The following ARHGEF7 variants were observed in gnomAD, a reference collection of about 807,000 sequenced individuals.
The protein encoded by ARHGEF7 is PAK-interacting exchange factor beta.
In ARHGEF7, 33 loss-of-function variants were observed where a neutral mutation model predicts 109.8. The ratio of observed to expected loss-of-function variants is 0.30; its 90% CI spans 0.23 to 0.40. The LOEUF is 0.40. Ranked by LOEUF, ARHGEF7 falls within the 10% of genes least tolerant of loss-of-function variation. The pLI, the probability that ARHGEF7 is intolerant of heterozygous loss-of-function variation, is 1.00. For missense variants in ARHGEF7, 938 were observed against 1,098.5 expected (o/e 0.85, Z 2.07); for synonymous variants, 458 against 424.6 (o/e 1.08, Z -0.97).
chr13:111,123,818 C>T (rs2067355417), intron 1 of ARHGEF7, among the ~76,000 whole-genome samples: 1 of 151,210 alleles, frequency 6.6e-6, no homozygotes. Context: ...GGAAACGGAG[C>T]TCCAGAGCGG....
chr13:111,161,452 C>T (rs2076734338), intron 2 of ARHGEF7, among the ~76,000 whole-genome samples: 1 of 152,202 alleles, frequency 6.6e-6, no homozygotes, highest in South Asian at 2.1e-4. Context: ...ATGGGTGTCA[C>T]ACGTGCTTGC....
At position 111,299,545 on chromosome 13, in the gene ARHGEF7, T is replaced by C. The variant is rs548107319; in HGVS notation, c.2312-1203T>C. On this transcript the variant is annotated intron_variant, in intron 19 of 21. Transcript: ENST00000646102. ...TTTTAGTAGAGACGGGGTTTCACCA[T>C]GTTAACCAGGTTGGTCTCGATCTCC... 2.0e-5 allele frequency among the ~76,000 whole-genome samples: 3 copies of C among 152,146 alleles called. No individual in the cohort carries two copies. The South Asian group carries it at 6.2e-4, about 32-fold the overall frequency.
chr13:111,295,110 G>C lies in ARHGEF7; in HGVS notation c.2311+2816G>C. 2.0e-6 allele frequency: 2 copies of C among 982,394 alleles called. 1 individual carries two copies. Among genetic ancestry groups the C allele is most frequent in the South Asian group, 9.4e-5 (2 of 21,198 alleles). The allele number at this position is 982,394 out of a possible 1,614,324, so 60.9% of individuals were successfully genotyped here. A position where few individuals can be genotyped will look rare whatever the true frequency, so the allele number is the denominator to read the frequency against. On this transcript the variant is annotated intron_variant, in intron 19 of 21. Coordinates refer to ENST00000646102, the MANE Select transcript of ARHGEF7 (RefSeq NM_001354046.2). Reference sequence around the variant, plus strand: ...TTGTACAGTATGCATATTATTGTTTGTGGTTGCATATGGCAATGAAGTGTT... The same window carrying C: ...TTGTACAGTATGCATATTATTGTTTCTGGTTGCATATGGCAATGAAGTGTT...
chr13:111,220,917 A>G (rs1270235848), intron 5 of ARHGEF7, among the ~76,000 whole-genome samples: 1 of 150,366 alleles, frequency 6.7e-6, no homozygotes, highest in Non-Finnish European at 1.5e-5. Context: ...AGGGTGCTTT[A>G]GAGGGACAGA....
chr13:111,228,168 A>G lies in ARHGEF7; in HGVS notation c.671-5037A>G, dbSNP rs1369364727. 1.3e-5 allele frequency among the ~76,000 whole-genome samples: 2 copies of G among 152,342 alleles called. No individual in the cohort carries two copies. The highest frequency in any genetic ancestry group is 2.9e-5 in the Non-Finnish European group (2 of 68,034). ...AAAAAAGAGGAGGGGGCGCTTTTATAGAATGAAAGAGACTTTAGTGGCACA... is the reference window on the plus strand; with the variant it reads ...AAAAAAGAGGAGGGGGCGCTTTTATGGAATGAAAGAGACTTTAGTGGCACA... On this transcript the variant is annotated intron_variant, in intron 5 of 21. Transcript: ENST00000646102. This position sits in a 1 kb window ranked among gnomAD's most constrained non-coding sequence, Gnocchi z 4.6.
chr13:111,199,579 C>G (rs1229508523), intron 2 of ARHGEF7, among the ~76,000 whole-genome samples: 1 of 152,176 alleles, frequency 6.6e-6, no homozygotes, highest in African/African-American at 2.4e-5. Context: ...TCCTCATGTC[C>G]AAATGAGTCC....
intron 19 of ARHGEF7, chr13:111,294,163 G>A: frequency 1.0e-6 from 1 of 985,352 alleles, no homozygotes; most frequent in Non-Finnish European, 1.2e-6. Flanking sequence ...ATAGTAAATG[G>A]GATTTTTGGA....
chr13:111,218,973 G>A (rs543973278), intron 5 of ARHGEF7, among the ~76,000 whole-genome samples: 2 of 152,200 alleles, frequency 1.3e-5, no homozygotes, highest in African/African-American at 2.4e-5. Flanking sequence ...CTCTGGTGTT[G>A]GAATTTTTAG....
At chr13:111,265,811 T>C (rs372633519) in intron 8 of ARHGEF7, 1 of 444,424 alleles carries the variant, frequency 2.3e-6, no homozygotes, top group East Asian at 7.0e-5. Context: ...CCTTCCCCGC[T>C]GTGAGGATGC....
chr13:111,296,996 C>G (rs1035788466), intron 19 of ARHGEF7, among the ~76,000 whole-genome samples: 3 of 152,198 alleles, frequency 2.0e-5, no homozygotes. Flanking sequence ...GATCATTCTG[C>G]TGTTAAATTG....
intron 2 of ARHGEF7, among the ~76,000 whole-genome samples, chr13:111,174,938 C>T (rs1370062675): frequency 6.6e-6 from 1 of 152,202 alleles, no homozygotes; most frequent in East Asian, 1.9e-4. Context: ...CCTAAAAGCT[C>T]CATCTGTTGC....
intron 6 of ARHGEF7, among the ~76,000 whole-genome samples, chr13:111,233,922 G>A (rs1419240305): frequency 6.6e-6 from 1 of 152,068 alleles, no homozygotes; most frequent in Non-Finnish European, 1.5e-5. Flanking sequence ...AACCTTCTTT[G>A]TACCTAAGCT....
In ARHGEF7 at chr13:111,238,874, C is replaced by T. The variant is rs142690590; in HGVS notation, c.760-4998C>T. On this transcript the variant is annotated intron_variant, in intron 6 of 21. Coordinates refer to ENST00000646102, the MANE Select transcript of ARHGEF7 (RefSeq NM_001354046.2). Reference sequence around the variant, plus strand: ...ATTTTTTAGGCTTTCTGTATTAGTCCGTTCTCACGCTGCTGTGAAGAAATA... The same window carrying T: ...ATTTTTTAGGCTTTCTGTATTAGTCTGTTCTCACGCTGCTGTGAAGAAATA... 6.7e-3 allele frequency among the ~76,000 whole-genome samples: 1,022 copies of T among 152,130 alleles called. 5 individuals carry two copies. Among genetic ancestry groups the T allele is most frequent in the Admixed American group, 0.011 (167 of 15,284 alleles).
intron 3 of ARHGEF7, 28 bp from the exon 4 acceptor site, chr13:111,209,844 T>C (rs2082286449): frequency 1.9e-6 from 3 of 1,609,616 alleles, no homozygotes; most frequent in Non-Finnish European, 2.5e-6. Context: ...CTCTCAGCTC[T>C]CTTTTTCTGT....
At chr13:111,260,340 A>G (rs940345478) in intron 8 of ARHGEF7, among the ~76,000 whole-genome samples, 3 of 152,262 alleles carry the variant, frequency 2.0e-5, no homozygotes, top group African/African-American at 7.2e-5. Context: ...CCATAGGTCA[A>G]TGATGAAGAA....
Position 111,221,337 on chromosome 13 carries a change from ATAT to A in ARHGEF7, c.670+3458_670+3460del, listed in dbSNP as rs2083985779. On this transcript the variant is annotated intron_variant, in intron 5 of 21. Transcript: ENST00000646102. Reference sequence around the variant, plus strand: ...TATATATAGATATATATGTCTATATATATCTATATATATGTCTATATATATATC... The same window carrying A: ...TATATATAGATATATATGTCTATATACTATATATATGTCTATATATATATC... 1.6e-4 allele frequency among the ~76,000 whole-genome samples: 2 copies of A among 12,680 alleles called. 1 individual carries two copies. The highest frequency in any genetic ancestry group is 3.6e-3 in the Admixed American group (2 of 560). The allele number at this position is 12,680 out of a possible 152,430, so 8.3% of individuals were successfully genotyped here.
chr13:111,290,613 G>A (rs975270211), intron 18 of ARHGEF7, among the ~76,000 whole-genome samples: 6 of 152,204 alleles, frequency 3.9e-5, no homozygotes, highest in Admixed American at 6.5e-5. Flanking sequence ...GATACGCTGC[G>A]GCTTCACGGC....
At chr13:111,227,440 C>T (rs2085362265) in intron 5 of ARHGEF7, among the ~76,000 whole-genome samples, 1 of 152,194 alleles carries the variant, frequency 6.6e-6, no homozygotes, top group South Asian at 2.1e-4. Context: ...AAGGCAAGAC[C>T]CTCTACAAAG....
chr13:111,179,060 TTC>T (rs2153426775), intron 2 of ARHGEF7, among the ~76,000 whole-genome samples: 1 of 146,514 alleles, frequency 6.8e-6, no homozygotes, highest in African/African-American at 2.5e-5. Flanking sequence ...GTCACCAGCA[TTC>T]TGAGTTCAAA....
Sources: gnomAD v4.1 joint callset for allele counts (sites outside exome capture counted in the v4.1 genomes callset) on GRCh38, gnomAD v4.1.1 for gene constraint, Gnocchi (gnomAD v3.1) non-coding constraint, MANE v1.5 for transcripts, NCBI Gene and HGNC (gene_info 2026-07-23, HGNC 2026-07-21) for gene names.